The following TBCD variants were observed in gnomAD, a reference collection of about 807,000 sequenced individuals.
TBCD encodes tubulin folding cofactor D, also known as tubulin-specific chaperone D.
In TBCD, 105 loss-of-function variants were observed where a neutral mutation model predicts 169.3. That is an observed-to-expected ratio of 0.62 (90% CI 0.53 to 0.73). The LOEUF is 0.73. Among genes scored for constraint, TBCD ranks in the 30% least tolerant of loss-of-function variants. The probability of loss-of-function intolerance (pLI) is 0.00; values close to 1 mark genes in which losing one functional copy is unlikely to be tolerated. For synonymous variants in TBCD, 700 were observed against 643.9 expected, an observed-to-expected ratio of 1.09 and a Z score of -1.32; for missense variants, 1,444 against 1,600.1, an observed-to-expected ratio of 0.90 and a Z score of 1.66.
intron 7 of TBCD, among the ~76,000 whole-genome samples, chr17:82,787,284 A>G (rs936030089): frequency 1.9e-4 from 29 of 152,184 alleles, no homozygotes; most frequent in Admixed American, 1.4e-3. Flanking sequence ...AGAGTGAGCA[A>G]TTGTCTGACG....
intron 7 of TBCD, among the ~76,000 whole-genome samples, chr17:82,788,498 C>G (rs2049468948): frequency 6.6e-6 from 1 of 152,228 alleles, no homozygotes; most frequent in East Asian, 1.9e-4. Flanking sequence ...CGAGTCTCCC[C>G]TTTGCAGTGC....
chr17:82,781,171 C>T (rs923229731), intron 6 of TBCD, among the ~76,000 whole-genome samples: 14 of 151,506 alleles, frequency 9.2e-5, no homozygotes, highest in Admixed American at 2.0e-4. Flanking sequence ...GCCCAGCTGC[C>T]GGGGCCAGGC....
chr17:82,771,484 T>C (rs531777673), intron 5 of TBCD, among the ~76,000 whole-genome samples: 1 of 151,740 alleles, frequency 6.6e-6, no homozygotes, highest in East Asian at 1.9e-4. Context: ...AGTGGTCTAA[T>C]CTCAACTCAC....
intron 13 of TBCD, among the ~76,000 whole-genome samples, chr17:82,869,331 G>A (rs1043253233): frequency 2.0e-5 from 3 of 152,194 alleles, no homozygotes; most frequent in African/African-American, 7.2e-5. Flanking sequence ...CGGGTAGCCT[G>A]GGTAACGTGG....
At chr17:82,816,519 C>T (rs2051917661) in intron 13 of TBCD, among the ~76,000 whole-genome samples, 1 of 152,116 alleles carries the variant, frequency 6.6e-6, no homozygotes, top group South Asian at 2.1e-4. Context: ...CTTCTCTGAT[C>T]CTCACCAACA....
At chr17:82,909,436 C>T in intron 22 of TBCD, 129 bp downstream of exon 22, 1 of 609,712 alleles carries the variant, frequency 1.6e-6, no homozygotes, top group Admixed American at 2.7e-5. Context: ...GGGTGGGTGT[C>T]ACCCGGCCCG....
chr17:82,803,341 C>A (rs1013178072), intron 9 of TBCD, among the ~76,000 whole-genome samples: 1 of 152,226 alleles, frequency 6.6e-6, no homozygotes, highest in African/African-American at 2.4e-5. Context: ...CCCGGGTCTC[C>A]GGGGCCCTCT....
Position 82,907,622 on chromosome 17 carries a change from T to C in TBCD, c.1923-139T>C, listed in dbSNP as rs938599057. ...GGACCCACTGGGACCTGAACAAGAA[T>C]GAGACCTTGCTGAGCCTATGCTCCT... On this transcript the variant is annotated intron_variant, in intron 20 of 38. Coordinates refer to ENST00000355528, the MANE Select transcript of TBCD (RefSeq NM_005993.5). 1.5e-5 allele frequency: 13 copies of C among 864,736 alleles called. No homozygotes were observed. The African/African-American group carries it at 2.0e-4, about 13-fold the overall frequency. The allele number at this position is 864,736 out of a possible 1,614,324, so 53.6% of individuals were successfully genotyped here. A position where few individuals can be genotyped will look rare whatever the true frequency, so the allele number is the denominator to read the frequency against.
intron 13 of TBCD, among the ~76,000 whole-genome samples, chr17:82,818,079 A>T (rs979868520): frequency 6.6e-6 from 1 of 152,226 alleles, no homozygotes; most frequent in Non-Finnish European, 1.5e-5. Flanking sequence ...TCTTATGGCA[A>T]CATGCACTGA....
chr17:82,937,419 G>A, intron 35 of TBCD, 59 bp downstream of exon 35: 1 of 1,488,418 alleles, frequency 6.7e-7, no homozygotes, highest in Non-Finnish European at 9.4e-7. Context: ...TCCCTTGGCT[G>A]AGGGCAGGAG....
chr17:82,908,701 G>T (rs1028331047), intron 21 of TBCD, among the ~76,000 whole-genome samples: 9 of 152,170 alleles, frequency 5.9e-5, no homozygotes, highest in Admixed American at 4.6e-4. Context: ...CGGGGAGGTG[G>T]CCCCGGGCAG....
chr17:82,754,762 A>G (rs1810352654), intron 1 of TBCD, among the ~76,000 whole-genome samples: 1 of 152,206 alleles, frequency 6.6e-6, no homozygotes, highest in South Asian at 2.1e-4. Flanking sequence ...GCTGGGAAGC[A>G]GTGGGTGTGT....
chr17:82,846,257 C>G lies in TBCD; in HGVS notation c.1319-23967C>G, dbSNP rs879467596. On this transcript the variant is annotated intron_variant, in intron 13 of 38. Transcript: ENST00000355528. ...CCTCTGCTGCCCCCTCCACGCGCTGCGTCCTCTGTGCTGTGTCCTCTTGTC... is the reference window on the plus strand; with the variant it reads ...CCTCTGCTGCCCCCTCCACGCGCTGGGTCCTCTGTGCTGTGTCCTCTTGTC... 1.4e-5 allele frequency among the ~76,000 whole-genome samples: 2 copies of G among 144,434 alleles called. 1 individual carries two copies. The highest frequency in any genetic ancestry group is 3.1e-5 in the Non-Finnish European group (2 of 64,206). 94.8% of individuals were successfully genotyped at this position (144,434 alleles called of 152,430 possible). A position where few individuals can be genotyped will look rare whatever the true frequency, so the allele number is the denominator to read the frequency against.
At chr17:82,909,831 C>A (rs1201732860) in intron 22 of TBCD, among the ~76,000 whole-genome samples, 1 of 152,252 alleles carries the variant, frequency 6.6e-6, no homozygotes, top group Non-Finnish European at 1.5e-5. Flanking sequence ...TCCCCAACCC[C>A]GAGATCTGGC....
At chr17:82,869,905 T>C (rs1373520620) in intron 13 of TBCD, among the ~76,000 whole-genome samples, 2 of 150,770 alleles carry the variant, frequency 1.3e-5, no homozygotes, top group African/African-American at 5.0e-5. Flanking sequence ...CTGCGTTTCC[T>C]TGAGTCTCCT....
rs953566598 is a variant in TBCD, at chr17:82,789,841, C to CT, written c.772-7915dup. On this transcript the variant is annotated intron_variant, in intron 7 of 38. Coordinates refer to ENST00000355528, the MANE Select transcript of TBCD (RefSeq NM_005993.5). This position sits in a 1 kb window ranked among gnomAD's most constrained non-coding sequence, Gnocchi z 4.8. ...AGAACCCGCAAGTCCCAGGTCACACCTGTTGTACCATCACTTTCCCCTCCT... is the reference window on the plus strand; with the variant it reads ...AGAACCCGCAAGTCCCAGGTCACACCTTGTTGTACCATCACTTTCCCCTCCT... Among the ~76,000 whole-genome samples, 5 of 152,172 alleles carry CT rather than the reference C, an allele frequency of 3.3e-5. No homozygotes were observed. The highest frequency in any genetic ancestry group is 9.7e-5 in the African/African-American group (4 of 41,438).
At chr17:82,766,925 C>G (rs901120269) in intron 4 of TBCD, among the ~76,000 whole-genome samples, 1 of 152,220 alleles carries the variant, frequency 6.6e-6, no homozygotes, top group Non-Finnish European at 1.5e-5. Context: ...CAGAGAAGCA[C>G]GTTTGAGACT....
intron 6 of TBCD, among the ~76,000 whole-genome samples, chr17:82,774,622 C>T (rs1034980353): frequency 9.2e-5 from 14 of 152,050 alleles, no homozygotes; most frequent in Non-Finnish European, 1.5e-4. Context: ...CCAGACTTGG[C>T]GGCCGGGCAG....
At chr17:82,937,656 C>T (rs533245550) in intron 35 of TBCD, 29 of 603,950 alleles carry the variant, frequency 4.8e-5, no homozygotes, top group South Asian at 8.5e-5. Context: ...GCTGCCTCCC[C>T]GATTCTCCTG....
Sources: allele counts gnomAD v4.1 joint callset (sites outside exome capture counted in the v4.1 genomes callset), GRCh38; gene constraint gnomAD v4.1.1; non-coding constraint Gnocchi (gnomAD v3.1); transcripts MANE v1.5; gene names NCBI Gene and HGNC (gene_info 2026-07-23, HGNC 2026-07-21).